The following IQCM variants were observed in gnomAD, a reference collection of about 807,000 sequenced individuals.
The protein encoded by IQCM is IQ motif containing M, also known as IQ domain-containing protein M.
In IQCM, 45 loss-of-function variants were observed where a neutral mutation model predicts 57.6. The observed-to-expected ratio is 0.78, with a 90% CI of 0.62 to 1.00. The LOEUF is 1.00. Ranked by LOEUF, IQCM falls within the 50% of genes least tolerant of loss-of-function variation. The pLI, the probability that IQCM is intolerant of heterozygous loss-of-function variation, is 0.00. For synonymous variants in IQCM, 148 were observed against 158.9 expected (o/e 0.93, Z 0.51); for missense variants, 468 against 511.6 (o/e 0.91, Z 0.82).
chr4:149,480,785 G>A (rs1430997327), intron 12 of IQCM, among the ~76,000 whole-genome samples: 1 of 152,156 alleles, frequency 6.6e-6, no homozygotes, highest in Non-Finnish European at 1.5e-5. Flanking sequence ...CCAGCAGTGG[G>A]AATGCTGGAT....
intron 12 of IQCM, among the ~76,000 whole-genome samples, chr4:149,511,733 G>C (rs1208552384): frequency 6.6e-6 from 1 of 152,074 alleles, no homozygotes; most frequent in Non-Finnish European, 1.5e-5. Context: ...CAGCAGAGCA[G>C]TGATAGTGTC....
intron 5 of IQCM, among the ~76,000 whole-genome samples, chr4:149,710,044 T>A (rs1764447942): frequency 6.6e-6 from 1 of 152,154 alleles, no homozygotes; most frequent in Admixed American, 6.6e-5. Flanking sequence ...TGATCCAAAT[T>A]TAATGTCTGG....
chr4:149,715,796 T>C (rs1456286039), intron 5 of IQCM, among the ~76,000 whole-genome samples: 1 of 152,154 alleles, frequency 6.6e-6, no homozygotes, highest in Non-Finnish European at 1.5e-5. Context: ...TTTGCTCACC[T>C]CTCAGCTCCG....
chr4:149,576,576 T>C (rs948679559), intron 9 of IQCM, among the ~76,000 whole-genome samples: 1 of 151,900 alleles, frequency 6.6e-6, no homozygotes, highest in Admixed American at 6.6e-5. Context: ...AATAGGATTT[T>C]GTCCTTTTTT....
intron 2 of IQCM, among the ~76,000 whole-genome samples, chr4:149,761,381 A>G (rs139531819): frequency 1.6e-4 from 24 of 152,136 alleles, no homozygotes; most frequent in African/African-American, 5.8e-4. Flanking sequence ...CTCATTTCCT[A>G]TTCCCAACAC....
chr4:149,596,690 A>G (rs1753811826), intron 8 of IQCM, among the ~76,000 whole-genome samples: 1 of 152,138 alleles, frequency 6.6e-6, no homozygotes, highest in Admixed American at 6.6e-5. Context: ...GTTTTCTAGG[A>G]ATTTCTAATG....
chr4:149,759,041 A>C lies in IQCM; in HGVS notation c.-48-16302T>G, dbSNP rs73857753. ...TATTCATAATTGCTAAAACAGAAGC[A>C]ACCACGATATCCTTCAGTAGAATGA... On this transcript the variant is annotated intron_variant, in intron 2 of 13. Coordinates refer to ENST00000636793, the MANE Select transcript of IQCM (RefSeq NM_001363507.2). 9.0e-3 allele frequency among the ~76,000 whole-genome samples: 1,375 copies of C among 152,358 alleles called. 11 individuals carry two copies. Among genetic ancestry groups the C allele is most frequent in the African/African-American group, 0.031 (1,274 of 41,592 alleles).
chr4:149,631,640 C>A (rs1182362449), intron 7 of IQCM, among the ~76,000 whole-genome samples: 2 of 152,104 alleles, frequency 1.3e-5, no homozygotes, highest in Non-Finnish European at 2.9e-5. Context: ...CAAAATTGTG[C>A]CAAAATGTTA....
Position 149,742,619 on chromosome 4 carries a change from T to A in IQCM, c.37+36A>T, listed in dbSNP as rs143158550. ...AGTGGTTAAAACAGTTGGAGTGTTA[T>A]GACTTGTACTATGTTAGGTAAGCAC... On this transcript the variant is annotated intron_variant, in intron 3 of 13. Transcript: ENST00000636793. 93 of 1,197,326 alleles carry A rather than the reference T, an allele frequency of 7.8e-5. 2 individuals carry two copies. In the Middle Eastern group the frequency reaches 1.3e-3, roughly 16 times the overall value. 74.2% of individuals were successfully genotyped at this position (1,197,326 alleles called of 1,614,324 possible). A position where few individuals can be genotyped will look rare whatever the true frequency, so the allele number is the denominator to read the frequency against.
At chr4:149,664,475 T>C (rs1760510489) in intron 7 of IQCM, among the ~76,000 whole-genome samples, 1 of 152,124 alleles carries the variant, frequency 6.6e-6, no homozygotes, top group South Asian at 2.1e-4. Context: ...CTGCAGATGG[T>C]CAGAGTGTCA....
intron 8 of IQCM, among the ~76,000 whole-genome samples, chr4:149,600,757 A>G (rs979402093): frequency 6.6e-6 from 1 of 152,166 alleles, no homozygotes; most frequent in African/African-American, 2.4e-5. Flanking sequence ...GTGCTTATAA[A>G]TCACCACGGA....
At chr4:149,433,798 G>A (rs1331937780) in intron 12 of IQCM, among the ~76,000 whole-genome samples, 1 of 151,654 alleles carries the variant, frequency 6.6e-6, no homozygotes, top group African/African-American at 2.4e-5. Context: ...AAGCAGTATT[G>A]TTAAGGCTGT....
At chr4:149,407,875 G>A (rs1462645286) in intron 13 of IQCM, among the ~76,000 whole-genome samples, 1 of 152,094 alleles carries the variant, frequency 6.6e-6, no homozygotes, top group Non-Finnish European at 1.5e-5. Flanking sequence ...CCAGTAGTGG[G>A]ATTGCTGGAT....
intron 11 of IQCM, among the ~76,000 whole-genome samples, chr4:149,549,751 C>A (rs1438694067): frequency 6.6e-6 from 1 of 152,080 alleles, no homozygotes; most frequent in Non-Finnish European, 1.5e-5. Flanking sequence ...GCAAAAGGCA[C>A]CAAAGTGGTT....
chr4:149,649,918 T>C (rs1330393425), intron 7 of IQCM, among the ~76,000 whole-genome samples: 1 of 152,214 alleles, frequency 6.6e-6, no homozygotes, highest in South Asian at 2.1e-4. Flanking sequence ...TGGTTTGATA[T>C]AGTTATCATA....
At chr4:149,784,614 C>G (rs893571742) in intron 2 of IQCM, among the ~76,000 whole-genome samples, 95 of 152,110 alleles carry the variant, frequency 6.2e-4, no homozygotes, top group Non-Finnish European at 1.1e-3. Flanking sequence ...AGGGGTTTCA[C>G]CGTGTTAGCC....
At chr4:149,474,945 A>T (rs1433287155) in intron 12 of IQCM, among the ~76,000 whole-genome samples, 1 of 152,056 alleles carries the variant, frequency 6.6e-6, no homozygotes, top group Non-Finnish European at 1.5e-5. Context: ...TAAGAGTTGG[A>T]GTCAGAGTGG....
intron 2 of IQCM, among the ~76,000 whole-genome samples, chr4:149,769,537 T>C (rs572230965): frequency 1.1e-3 from 172 of 150,390 alleles, no homozygotes; most frequent in Non-Finnish European, 1.9e-3. Flanking sequence ...AGCCCCAAAA[T>C]GTACAATGCT....
At position 149,416,144 on chromosome 4, in the gene IQCM, AC is replaced by A. The variant is rs774014475; in HGVS notation, c.1390+17251del. ...AAAAAAACCTGGTTAGCACTAACCA[AC>A]CCAGACAGATTTTTCTTCATTTAGG... is the stretch of plus-strand genomic sequence containing the variant. On this transcript the variant is annotated intron_variant, in intron 13 of 13. Coordinates refer to ENST00000636793, the MANE Select transcript of IQCM (RefSeq NM_001363507.2). Among the ~76,000 whole-genome samples, 9 of 152,102 alleles carry A rather than the reference AC, an allele frequency of 5.9e-5. No homozygotes were observed. The South Asian group carries it at 6.2e-4, about 11-fold the overall frequency.
Sources: allele counts gnomAD v4.1 joint callset (sites outside exome capture counted in the v4.1 genomes callset), GRCh38; gene constraint gnomAD v4.1.1; transcripts MANE v1.5; gene names NCBI Gene and HGNC (gene_info 2026-07-23, HGNC 2026-07-21).